Variants in PPRC1 observed in about 807,000 individuals in gnomAD.
PPRC1 encodes peroxisome proliferator-activated receptor gamma coactivator-related protein 1.
In PPRC1, 23 loss-of-function variants were observed where a neutral mutation model predicts 132.5. The ratio of observed to expected loss-of-function variants is 0.17; its 90% CI spans 0.12 to 0.25. The LOEUF is 0.25. PPRC1 is among the 10% of genes least tolerant of loss of function. The probability of loss-of-function intolerance (pLI) is 1.00; values close to 1 mark genes in which losing one functional copy is unlikely to be tolerated. For synonymous variants in PPRC1, 872 were observed against 833.5 expected (o/e 1.05, Z -0.80); for missense variants, 2,006 against 2,089.1 (o/e 0.96, Z 0.78).
chr10:102,125,498 T>G, the PPRC1 span, among the ~76,000 whole-genome samples: 1 of 152,088 alleles, frequency 6.6e-6, no homozygotes, highest in African/African-American at 2.4e-5. Flanking sequence ...GACCTCATGA[T>G]CCGCCTGCCT....
chr10:102,121,965 G>T, the PPRC1 span, among the ~76,000 whole-genome samples: 1 of 152,134 alleles, frequency 6.6e-6, no homozygotes, highest in Admixed American at 6.5e-5. Context: ...TGAAATGATG[G>T]AACGGTGCAG....
At chr10:102,132,510 GC>G (rs1486383727), upstream of PPRC1, among the ~76,000 whole-genome samples, 24 of 152,358 alleles carry the variant, frequency 1.6e-4, no homozygotes, top group African/African-American at 5.1e-4. Context: ...GATAGAGAAG[GC>G]AACGTAAGTT....
Position 102,149,252 on chromosome 10 carries a change from G to A in PPRC1, c.4814G>A (p.Arg1605Gln), listed in dbSNP as rs778073007. The A allele has an allele frequency of 1.2e-5, 20 of 1,612,690 alleles. 1 individual carries two copies. Among genetic ancestry groups the A allele is most frequent in the South Asian group, 5.5e-5 (5 of 90,910 alleles). Reference sequence around the variant, plus strand: ...GCCATTGAGAGTGGCCACAAGCTGCGGCAGGCAGATGAGCAGCCCTTTGAT... The same window carrying A: ...GCCATTGAGAGTGGCCACAAGCTGCAGCAGGCAGATGAGCAGCCCTTTGAT... ...FAAIESGHKL[R>Q]QADEQPFDLC... The change falls in exon 13 of 14, where the codon CGG becomes CAG. Residue 1605 changes from arginine (R) to glutamine (Q), a missense_variant. Physicochemically the swap from Arg to Gln is conservative, Grantham distance 43 (BLOSUM62 1). Coordinates refer to ENST00000278070, the MANE Select transcript of PPRC1 (RefSeq NM_015062.5).
the PPRC1 span, among the ~76,000 whole-genome samples, chr10:102,125,851 C>CT: frequency 0.052 from 7,904 of 150,598 alleles, 691 homozygotes; most frequent in African/African-American, 0.18. Flanking sequence ...ACCACTCTGT[C>CT]TTTCTTTCTT....
In PPRC1 at chr10:102,141,332, A is replaced by G. The variant is rs758016861; in HGVS notation, c.2824A>G (p.Thr942Ala). The stretch of plus-strand genomic sequence containing the variant: ...CTATCCTTGCCTGCCCCCCCCACCA[A>G]CGGTGCCCCTAGTGTCTGGTACTCC... ...SGYPCLPPPP[T>A]VPLVSGTPGA... Residue 942 changes from threonine (T) to alanine (A), a missense_variant, in exon 5 of 14, where the codon ACG becomes GCG. By Grantham distance (58) the Thr-to-Ala change is moderately conservative. Transcript: ENST00000278070. 30 of 1,613,316 alleles carry G rather than the reference A, an allele frequency of 1.9e-5. No homozygotes were observed. The highest frequency in any genetic ancestry group is 5.0e-5 in the Admixed American group (3 of 59,966).
chr10:102,145,632 A>G (rs1308186644), intron 8 of PPRC1, among the ~76,000 whole-genome samples: 1 of 151,772 alleles, frequency 6.6e-6, no homozygotes, highest in Non-Finnish European at 1.5e-5. Context: ...GGGGAGGCCG[A>G]GGCAGGTGGA....
chr10:102,148,911 A>G lies in PPRC1; in HGVS notation c.4712A>G (p.Glu1571Gly). The G allele has an allele frequency of 1.2e-6, 2 of 1,614,182 alleles. No individual in the cohort carries two copies. The highest frequency in any genetic ancestry group is 1.7e-6 in the Non-Finnish European group (2 of 1,180,028). The change falls in exon 12 of 14, where the codon GAG becomes GGG. Residue 1571 changes from glutamate to glycine, a missense_variant. By Grantham distance (98) the Glu-to-Gly change is moderately conservative. This residue lies in a region of PPRC1 where 92 missense variants were observed against 171.9 expected (regional missense o/e 0.54). Transcript: ENST00000278070. This position sits in a 1 kb window ranked among gnomAD's most constrained non-coding sequence, Gnocchi z 4.2. ...TTCTCCGTTTTTGGAGAGATTGAGG[A>G]GTGCACCATCCACTTCCGTGTCCAA... is the stretch of plus-strand genomic sequence containing the variant. The part of the protein sequence containing the change: ...QRFSVFGEIE[E>G]CTIHFRVQGD...
At chr10:102,128,612 T>C (rs1439596746), upstream of PPRC1, among the ~76,000 whole-genome samples, 1 of 151,536 alleles carries the variant, frequency 6.6e-6, no homozygotes, top group Admixed American at 6.6e-5. Flanking sequence ...CTGCAGTCTT[T>C]TTTTTTTTTT....
the PPRC1 span, chr10:102,120,149 G>C: frequency 3.1e-6 from 4 of 1,282,706 alleles, no homozygotes; most frequent in South Asian, 9.8e-5. Context: ...GCCGAGTCAC[G>C]GTGCCCGCCC....
chr10:102,133,828 G>A (rs1012055485), intron 1 of PPRC1, among the ~76,000 whole-genome samples: 2 of 152,090 alleles, frequency 1.3e-5, no homozygotes, highest in Non-Finnish European at 2.9e-5. Context: ...CTGGAGGCCC[G>A]GGCCGGGAAG....
At chr10:102,125,483 C>T in the PPRC1 span, among the ~76,000 whole-genome samples, 2 of 152,032 alleles carry the variant, frequency 1.3e-5, no homozygotes, top group Non-Finnish European at 2.9e-5. Flanking sequence ...TGATCTCGAT[C>T]TCTTGACCTC....
chr10:102,134,220 T>C (rs956638348), intron 1 of PPRC1, among the ~76,000 whole-genome samples: 6 of 152,072 alleles, frequency 3.9e-5, no homozygotes, highest in Admixed American at 6.6e-5. Flanking sequence ...GCATCTCTTT[T>C]GGGAAGGCAT....
rs200161486 is a variant in PPRC1 at position 102,141,528 on chromosome 10, T to C, written c.3020T>C (p.Ile1007Thr). 3.8e-5 allele frequency: 62 copies of C among 1,613,894 alleles called. No homozygotes were observed. Among genetic ancestry groups the C allele is most frequent in the Non-Finnish European group, 4.7e-5 (56 of 1,180,012 alleles). ...VPPPPLPPAS[I>T]GRAVPQPKME... ...CCACCTCCTTTGCCTCCAGCCTCCA[T>C]TGGGAGAGCTGTTCCCCAACCTAAA... The change falls in exon 5 of 14, where the codon ATT becomes ACT. Residue 1007 changes from isoleucine (I) to threonine (T), a missense_variant. By Grantham distance (89) the Ile-to-Thr change is moderately conservative. Transcript: ENST00000278070.
chr10:102,149,910 G>T lies in PPRC1; in HGVS notation c.4892-16G>T. ...AGTGTGGTCAGAGACCTTGAAGTTT[G>T]TCTTTACCTTTATAGACTCCAACCG... is the stretch of plus-strand genomic sequence containing the variant. On this transcript the variant is annotated splice_polypyrimidine_tract_variant and intron_variant, in intron 13 of 13. Coordinates refer to ENST00000278070, the MANE Select transcript of PPRC1 (RefSeq NM_015062.5). 2 of 1,583,028 alleles carry T rather than the reference G, an allele frequency of 1.3e-6. No individual in the cohort carries two copies. The highest frequency in any genetic ancestry group is 1.7e-6 in the Non-Finnish European group (2 of 1,151,732).
chr10:102,125,553 C>T, the PPRC1 span, among the ~76,000 whole-genome samples: 4 of 152,096 alleles, frequency 2.6e-5, no homozygotes, highest in Non-Finnish European at 5.9e-5. Flanking sequence ...CCACCGTGCC[C>T]AGCCACTTTT....
the PPRC1 span, among the ~76,000 whole-genome samples, chr10:102,127,063 ATATAT>A: frequency 0.054 from 6,341 of 117,542 alleles, 525 homozygotes; most frequent in Non-Finnish European, 0.066. Flanking sequence ...ATATATATAT[ATATAT>A]AAATTAAAAA....
In PPRC1 at chr10:102,140,761, C is replaced by A; in HGVS notation, c.2253C>A (p.Leu751=). 1 of 1,614,030 alleles carries A rather than the reference C, an allele frequency of 6.2e-7. No individual in the cohort carries two copies. ...CCCATGAAGCCAGACCTCGGCCTCT[C>A]AGCTTATCTGAGTACCGGCGACGAA... ...ATTHEARPRP[L]SLSEYRRRRQ... The change falls in exon 5 of 14, where the codon CTC becomes CTA. Residue 751 remains leucine, a synonymous_variant. Coordinates refer to ENST00000278070, the MANE Select transcript of PPRC1 (RefSeq NM_015062.5).
rs537060113 is a variant in PPRC1, at chr10:102,147,299, G to A, written c.4307G>A (p.Arg1436Gln). 60 of 1,612,718 alleles carry A rather than the reference G, an allele frequency of 3.7e-5. No individual in the cohort carries two copies. The highest frequency in any genetic ancestry group is 4.4e-5 in the Non-Finnish European group (52 of 1,180,036). ...CGTTCTGTCAGCTCTGGGTCCAACC[G>A]GACTAGCGAAGCATCTTCCTCATCC... ...NSRSVSSGSN[R>Q]TSEASSSSSS... The change falls in exon 9 of 14, where the codon CGG (arginine) becomes CAG (glutamine). Residue 1436 changes from arginine (R) to glutamine (Q), a missense_variant. Around this residue, in one of 2 missense-constraint regions of PPRC1, gnomAD observed 1,914 missense variants for 1,917.2 expected, o/e 1.00. Coordinates refer to ENST00000278070, the MANE Select transcript of PPRC1 (RefSeq NM_015062.5).
At chr10:102,146,595 G>T in intron 8 of PPRC1, 77 bp from the exon 9 acceptor site, 2 of 1,496,348 alleles carry the variant, frequency 1.3e-6, no homozygotes, top group African/African-American at 2.8e-5. Context: ...GGGGGTCTCT[G>T]GAGGCTATAT....
Sources: gnomAD v4.1 joint callset for allele counts (sites outside exome capture counted in the v4.1 genomes callset) on GRCh38, gnomAD v4.1.1 for gene constraint, gnomAD v4.1.1 regional missense constraint, Gnocchi (gnomAD v3.1) non-coding constraint, MANE v1.5 for transcripts, NCBI Gene and HGNC (gene_info 2026-07-23, HGNC 2026-07-21) for gene names.